Variants in FOXP2 observed in about 807,000 individuals in gnomAD.
FOXP2 encodes forkhead box P2.
In FOXP2, 12 loss-of-function variants were observed where a neutral mutation model predicts 115.8. The ratio of observed to expected loss-of-function variants is 0.10; its 90% confidence interval spans 0.07 to 0.17. The LOEUF (loss-of-function observed/expected upper bound fraction) is 0.17. Ranked by LOEUF, FOXP2 falls within the 10% of genes least tolerant of loss-of-function variation. FOXP2 has a pLI of 1.00. For missense variants in FOXP2, 629 were observed against 843.5 expected (o/e 0.75, Z 3.15); for synonymous variants, 328 against 297.7 (o/e 1.10, Z -1.05).
intron 3 of FOXP2, among the ~76,000 whole-genome samples, chr7:114,599,616 AT>A (rs1367868964): frequency 6.6e-6 from 1 of 152,032 alleles, no homozygotes; most frequent in African/African-American, 2.4e-5. Flanking sequence ...TTTTTTTATA[AT>A]GTTCTTGTAT....
chr7:114,141,820 T>G (rs1359237048), intron 1 of FOXP2, among the ~76,000 whole-genome samples: 1 of 152,172 alleles, frequency 6.6e-6, no homozygotes, highest in East Asian at 1.9e-4. Flanking sequence ...GCTACAGGTA[T>G]AAAATAACGG....
chr7:114,534,659 A>G lies in FOXP2; in HGVS notation c.211A>G (p.Ser71Gly), dbSNP rs1237536573. The G allele has an allele frequency of 6.2e-7, 1 of 1,612,088 alleles. No homozygotes were observed. The highest frequency in any genetic ancestry group is 1.7e-4 in the Middle Eastern group (1 of 6,048). Residue 71 changes from serine (S) to glycine (G), a missense_variant, in exon 3 of 17, where the codon AGT becomes GGT. Ser to Gly is a moderately conservative substitution (Grantham distance 56). Transcript: ENST00000350908. ...ACAACTTCTTTTACAGCAGCAAACA[A>G]GTGGATTGAAATCTCCTAAGAGCAG... ...ARQLLLQQQT[S>G]GLKSPKSSDK...
intron 1 of FOXP2, among the ~76,000 whole-genome samples, chr7:114,109,594 A>G (rs550568607): frequency 1.3e-5 from 2 of 152,224 alleles, no homozygotes; most frequent in African/African-American, 4.8e-5. Context: ...AGTGTTAGTC[A>G]CTGTAGAATT....
At chr7:114,379,289 G>C (rs184693807) in intron 2 of FOXP2, among the ~76,000 whole-genome samples, 1 of 152,258 alleles carries the variant, frequency 6.6e-6, no homozygotes, top group East Asian at 1.9e-4. Flanking sequence ...ATTTTAGTGA[G>C]CTCTCTGATT....
chr7:114,139,122 G>A (rs1792132366), intron 1 of FOXP2, among the ~76,000 whole-genome samples: 1 of 152,062 alleles, frequency 6.6e-6, no homozygotes, highest in African/African-American at 2.4e-5. Context: ...ACTATGCAGA[G>A]CATACTATAG....
chr7:114,334,642 G>A (rs201035074), intron 2 of FOXP2, among the ~76,000 whole-genome samples: 1,760 of 148,702 alleles, frequency 0.012, 25 homozygotes, highest in South Asian at 0.021. Flanking sequence ...AAAGAAGAAG[G>A]AAAAAAAACC....
At position 114,659,744 on chromosome 7, in the gene FOXP2, T is replaced by C. The variant is rs540247546; in HGVS notation, c.1647+71T>C. On this transcript the variant is annotated intron_variant, in intron 13 of 16. Transcript: ENST00000350908. ...ACAGATAGCACAAGGAACATTTATT[T>C]ACATGACATAAGCAGATTAGTATCT... The C allele has an allele frequency of 5.7e-5, 68 of 1,197,962 alleles. 1 individual carries two copies. The highest frequency in any genetic ancestry group is 1.9e-4 in the Middle Eastern group (1 of 5,336). The allele number at this position is 1,197,962 out of a possible 1,614,324, so 74.2% of individuals were successfully genotyped here.
intron 2 of FOXP2, among the ~76,000 whole-genome samples, chr7:114,318,942 G>C (rs955832275): frequency 6.6e-6 from 1 of 151,948 alleles, no homozygotes; most frequent in Admixed American, 6.6e-5. Context: ...CCAGTAATAG[G>C]AAAACAACAT....
intron 1 of FOXP2, among the ~76,000 whole-genome samples, chr7:114,241,746 A>ATTT (rs34087660): frequency 1.3e-5 from 2 of 148,898 alleles, no homozygotes; most frequent in Admixed American, 6.8e-5. Flanking sequence ...GAAGCCACGT[A>ATTT]TTTTTTTTTT....
intron 2 of FOXP2, among the ~76,000 whole-genome samples, chr7:114,299,293 G>A (rs1796822221): frequency 6.6e-6 from 1 of 151,992 alleles, no homozygotes; most frequent in Non-Finnish European, 1.5e-5. Flanking sequence ...AGCAGAAGCT[G>A]TTAGTTGTCA....
intron 3 of FOXP2, among the ~76,000 whole-genome samples, chr7:114,620,178 G>C (rs766066222): frequency 6.6e-6 from 1 of 151,942 alleles, no homozygotes; most frequent in South Asian, 2.1e-4. Flanking sequence ...GAAACAAGGG[G>C]AGTTCATCGC....
chr7:114,152,953 C>T (rs1410147284), intron 1 of FOXP2, among the ~76,000 whole-genome samples: 1 of 152,098 alleles, frequency 6.6e-6, no homozygotes, highest in African/African-American at 2.4e-5. Context: ...ATCCACGGAA[C>T]AGAACATGCC....
chr7:114,293,974 C>A (rs1200043061), intron 2 of FOXP2, among the ~76,000 whole-genome samples: 2 of 151,952 alleles, frequency 1.3e-5, no homozygotes, highest in African/African-American at 4.8e-5. Context: ...AATATTTCAG[C>A]CCTAAAATTA....
Position 114,361,712 on chromosome 7 carries a change from G to T in FOXP2, c.-10-64790G>T, listed in dbSNP as rs76393810. ...AGTCCTTCTCTTCACTTTTTGCATT[G>T]TCATTAATTCAGAATGTTTTAAACA... On this transcript the variant is annotated intron_variant, in intron 2 of 17. Coordinates refer to the FOXP2 transcript ENST00000634411. Among the ~76,000 whole-genome samples, 1,021 of 151,930 alleles carry T rather than the reference G, an allele frequency of 6.7e-3. 16 individuals are homozygous for T. Among genetic ancestry groups the T allele is most frequent in the African/African-American group, 0.021 (881 of 41,480 alleles).
intron 1 of FOXP2, among the ~76,000 whole-genome samples, chr7:114,096,189 G>A (rs939569017): frequency 7.2e-5 from 11 of 152,098 alleles, no homozygotes; most frequent in Non-Finnish European, 8.8e-5. Context: ...AAGGAAAGCC[G>A]GGGATAATAA....
intron 2 of FOXP2, among the ~76,000 whole-genome samples, chr7:114,493,745 T>G (rs1797180348): frequency 6.6e-6 from 1 of 151,946 alleles, no homozygotes; most frequent in Admixed American, 6.6e-5. Context: ...AACTGAAAAG[T>G]TATATGCAAA....
At chr7:114,431,280 A>T (rs1405622018) in intron 2 of FOXP2, among the ~76,000 whole-genome samples, 5 of 151,832 alleles carry the variant, frequency 3.3e-5, no homozygotes, top group Admixed American at 6.6e-5. Context: ...AATTCCAGGG[A>T]TGGGGCGCCT....
At chr7:114,429,302 T>C (rs1421958786) in intron 2 of FOXP2, among the ~76,000 whole-genome samples, 1 of 151,512 alleles carries the variant, frequency 6.6e-6, no homozygotes, top group East Asian at 1.9e-4. Context: ...CTAGGATATC[T>C]TTAAATTTTA....
intron 2 of FOXP2, among the ~76,000 whole-genome samples, chr7:114,517,981 G>T (rs1258878571): frequency 6.6e-6 from 1 of 151,600 alleles, no homozygotes; most frequent in Non-Finnish European, 1.5e-5. Context: ...TCAATTTGTT[G>T]GTGTCTTCTT....
Sources: gnomAD v4.1 joint callset for allele counts (sites outside exome capture counted in the v4.1 genomes callset) on GRCh38, gnomAD v4.1.1 for gene constraint, MANE v1.5 for transcripts, NCBI Gene and HGNC (gene_info 2026-07-23, HGNC 2026-07-21) for gene names.